Variants in GATAD1 observed in about 807,000 individuals in gnomAD.
GATAD1 encodes the protein GATA zinc finger domain containing 1.
GATAD1 carries 12 observed loss-of-function variants against 26.5 expected under a neutral mutation model. The ratio of observed to expected loss-of-function variants is 0.45; its 90% CI spans 0.29 to 0.73. GATAD1 has a LOEUF of 0.73. Among genes scored for constraint, GATAD1 ranks in the 30% least tolerant of loss-of-function variants. The probability of loss-of-function intolerance (pLI) is 0.10; values close to 1 mark genes in which losing one functional copy is unlikely to be tolerated. For missense variants in GATAD1, 266 were observed against 342.1 expected, an observed-to-expected ratio of 0.78 and a Z score of 1.75; for synonymous variants, 129 against 133.1, an observed-to-expected ratio of 0.97 and a Z score of 0.21.
In GATAD1 at chr7:92,450,722, G is replaced by A; in HGVS notation, c.397G>A (p.Val133Ile). The A allele has an allele frequency of 6.2e-7, 1 of 1,610,172 alleles. No individual in the cohort carries two copies. Among genetic ancestry groups the A allele is most frequent in the Non-Finnish European group, 8.5e-7 (1 of 1,176,468 alleles). Residue 133 changes from valine (V) to isoleucine (I), a missense_variant, in exon 3 of 5, where the codon GTT (valine) becomes ATT (isoleucine). Physicochemically the swap from Val to Ile is conservative, Grantham distance 29. Transcript: ENST00000287957. Reference protein sequence around the residue: ...LKNPIKAPESVSTIITAESIF... With the variant: ...LKNPIKAPESISTIITAESIF... ...ATAGCCCATCAAAGCTCCTGAGTCAGTTTCCACTATAATCACTGCAGAATC... is the reference window on the plus strand; with the variant it reads ...ATAGCCCATCAAAGCTCCTGAGTCAATTTCCACTATAATCACTGCAGAATC...
chr7:92,490,350 T>G, the GATAD1 span: 1 of 219,952 alleles, frequency 4.5e-6, no homozygotes, highest in Non-Finnish European at 9.1e-6. Flanking sequence ...AAAGTCTGAG[T>G]TAGGCTAGGC....
At chr7:92,492,011 T>C in the GATAD1 span, among the ~76,000 whole-genome samples, 1 of 152,176 alleles carries the variant, frequency 6.6e-6, no homozygotes, top group Admixed American at 6.5e-5. Flanking sequence ...AATAGAATAA[T>C]CCTTCCTAGA....
At chr7:92,451,021 ATTATTC>A (rs1226629856) in intron 3 of GATAD1, among the ~76,000 whole-genome samples, 1 of 150,958 alleles carries the variant, frequency 6.6e-6, no homozygotes, top group Non-Finnish European at 1.5e-5. Flanking sequence ...GATTGTAGGA[ATTATTC>A]TTAAAATGCT....
At chr7:92,486,733 T>G in the GATAD1 span, among the ~76,000 whole-genome samples, 12,773 of 151,784 alleles carry the variant, frequency 0.084, 573 homozygotes, top group African/African-American at 0.092. Flanking sequence ...TTAATTAATG[T>G]TCTCCTTTTT....
At chr7:92,491,142 G>A in the GATAD1 span, 1 of 675,344 alleles carries the variant, frequency 1.5e-6, no homozygotes, top group Non-Finnish European at 2.7e-6. Context: ...CAAGAAACAA[G>A]ACTATTTTAC....
the GATAD1 span, chr7:92,492,917 C>T: frequency 6.6e-6 from 10 of 1,513,668 alleles, no homozygotes; most frequent in Non-Finnish European, 9.2e-6. Context: ...TTTTATCACT[C>T]ATAAAATGTC....
the GATAD1 span, chr7:92,471,870 T>C: frequency 6.6e-6 from 1 of 152,054 alleles, no homozygotes; most frequent in Non-Finnish European, 1.5e-5. Flanking sequence ...ATATTTAGAG[T>C]CTGTATATAT....
chr7:92,483,407 C>T, the GATAD1 span, among the ~76,000 whole-genome samples: 1 of 152,232 alleles, frequency 6.6e-6, no homozygotes, highest in East Asian at 1.9e-4. Flanking sequence ...TGCCTCTACT[C>T]TATTCTTGTA....
chr7:92,463,422 C>T (rs1789991525), downstream of GATAD1, among the ~76,000 whole-genome samples: 1 of 152,028 alleles, frequency 6.6e-6, no homozygotes, highest in South Asian at 2.1e-4. Context: ...GAGGCCAAGA[C>T]AGGCGGATCA....
At chr7:92,448,715 C>T in intron 1 of GATAD1, 37 bp from the exon 2 acceptor site, 1 of 1,575,306 alleles carries the variant, frequency 6.3e-7, no homozygotes, top group Non-Finnish European at 8.7e-7. Flanking sequence ...CTTTTTACTT[C>T]TTTCTCTTTT....
chr7:92,459,428 C>G lies in GATAD1; in HGVS notation c.*2866C>G, dbSNP rs898835076. The stretch of plus-strand genomic sequence containing the variant: ...TTTAAAATAAAGATTGAATTTCACC[C>G]AGTGTGATGGTTCCCATTGCTTATA... On this transcript the variant is annotated 3_prime_UTR_variant, in exon 5 of 5. Coordinates refer to ENST00000287957, the MANE Select transcript of GATAD1 (RefSeq NM_021167.5). 1 of 152,118 alleles carries G rather than the reference C, an allele frequency of 6.6e-6. No homozygotes were observed. Among genetic ancestry groups the G allele is most frequent in the African/African-American group, 2.4e-5 (1 of 41,416 alleles). 9.4% of individuals were successfully genotyped at this position (152,118 alleles called of 1,614,324 possible). A position where few individuals can be genotyped will look rare whatever the true frequency, so the allele number is the denominator to read the frequency against.
the GATAD1 span, chr7:92,491,264 C>T: frequency 1.9e-6 from 3 of 1,560,658 alleles, no homozygotes; most frequent in Non-Finnish European, 2.7e-6. Context: ...GATGACTGCA[C>T]AAGATACCAA....
the GATAD1 span, among the ~76,000 whole-genome samples, chr7:92,466,015 A>G: frequency 1.3e-5 from 2 of 152,296 alleles, no homozygotes; most frequent in East Asian, 3.9e-4. Flanking sequence ...AAAAAAAGAA[A>G]AAAGAAAAGC....
the GATAD1 span, chr7:92,470,402 A>T: frequency 1.5e-6 from 1 of 675,650 alleles, no homozygotes; most frequent in South Asian, 1.7e-5. Flanking sequence ...GATTTTAGTT[A>T]CTTTCCTCCT....
chr7:92,491,882 G>T, the GATAD1 span, among the ~76,000 whole-genome samples: 1 of 152,074 alleles, frequency 6.6e-6, no homozygotes, highest in Admixed American at 6.5e-5. Context: ...CACCTTTCTG[G>T]TAGTAAAGGG....
intron 3 of GATAD1, chr7:92,454,204 CTA>C: frequency 3.4e-6 from 1 of 291,142 alleles, no homozygotes. Context: ...AAAATAAAGT[CTA>C]TTTTTTAAAA....
chr7:92,486,377 A>ATTGT, the GATAD1 span, among the ~76,000 whole-genome samples: 15 of 152,164 alleles, frequency 9.9e-5, no homozygotes, highest in African/African-American at 2.7e-4. Context: ...TGGTTTTTAC[A>ATTGT]TTGTTTGTTA....
At chr7:92,483,916 A>G in the GATAD1 span, among the ~76,000 whole-genome samples, 1 of 152,092 alleles carries the variant, frequency 6.6e-6, no homozygotes, top group Non-Finnish European at 1.5e-5. Flanking sequence ...GTCTGTAGCA[A>G]AGGAGGATTC....
the GATAD1 span, among the ~76,000 whole-genome samples, chr7:92,492,411 C>A: frequency 6.6e-6 from 1 of 152,204 alleles, no homozygotes; most frequent in Non-Finnish European, 1.5e-5. Context: ...AAATGATCCT[C>A]CTGCCTTGGC....
Sources: allele counts gnomAD v4.1 joint callset (sites outside exome capture counted in the v4.1 genomes callset), GRCh38; gene constraint gnomAD v4.1.1; transcripts MANE v1.5; gene names NCBI Gene and HGNC (gene_info 2026-07-23, HGNC 2026-07-21).